The following C12orf54 variants were observed in gnomAD, a reference collection of about 807,000 sequenced individuals.
C12orf54 encodes uncharacterized protein C12orf54.
In C12orf54, 24 loss-of-function variants were observed where a neutral mutation model predicts 26.4. That is an observed-to-expected ratio of 0.91 (90% confidence interval 0.66 to 1.28). The LOEUF is 1.28. Ranked by LOEUF, C12orf54 falls within the 50% of genes most tolerant of loss-of-function variation. The pLI is 0.00. For missense variants in C12orf54, 154 were observed against 150.9 expected, an observed-to-expected ratio of 1.02 and a Z score of -0.11; for synonymous variants, 54 against 47.0, an observed-to-expected ratio of 1.15 and a Z score of -0.61.
chr12:48,486,304 A>G, intron 3 of C12orf54, 96 bp downstream of exon 3: 1 of 1,291,942 alleles, frequency 7.7e-7, no homozygotes, highest in Non-Finnish European at 1.1e-6. Flanking sequence ...CCAAAAAAAA[A>G]AGCTACCTGA....
At chr12:48,440,378 A>T in the C12orf54 span, among the ~76,000 whole-genome samples, 1 of 152,242 alleles carries the variant, frequency 6.6e-6, no homozygotes, top group Non-Finnish European at 1.5e-5. Context: ...AATTAGAAAG[A>T]ATAACTAATT....
At chr12:48,440,173 C>T in the C12orf54 span, among the ~76,000 whole-genome samples, 3 of 151,418 alleles carry the variant, frequency 2.0e-5, no homozygotes, top group Non-Finnish European at 2.9e-5. Context: ...TGCAGTGAAC[C>T]GAGATCGTGC....
At chr12:48,468,713 G>A in the C12orf54 span, among the ~76,000 whole-genome samples, 1 of 152,000 alleles carries the variant, frequency 6.6e-6, no homozygotes, top group Non-Finnish European at 1.5e-5. Context: ...ATTTCATTCA[G>A]GTAGTGAGCT....
At chr12:48,419,001 A>G in the C12orf54 span, among the ~76,000 whole-genome samples, 41 of 152,056 alleles carry the variant, frequency 2.7e-4, no homozygotes, top group African/African-American at 9.9e-4. Flanking sequence ...GGACAGAACT[A>G]GAGATCATTA....
At chr12:48,440,889 TAAC>T in the C12orf54 span, among the ~76,000 whole-genome samples, 1 of 152,180 alleles carries the variant, frequency 6.6e-6, no homozygotes, top group Non-Finnish European at 1.5e-5. Context: ...TAAAATAAGA[TAAC>T]AATAATAAAT....
At chr12:48,416,494 C>A in the C12orf54 span, among the ~76,000 whole-genome samples, 1 of 152,142 alleles carries the variant, frequency 6.6e-6, no homozygotes, top group African/African-American at 2.4e-5. Context: ...AACACCTACC[C>A]CTCCAAAAGT....
the C12orf54 span, among the ~76,000 whole-genome samples, chr12:48,458,718 G>GC: frequency 6.8e-6 from 1 of 146,170 alleles, no homozygotes; most frequent in South Asian, 2.3e-4. Flanking sequence ...CTCCACAGAG[G>GC]ATACCTTGAT....
At chr12:48,457,494 C>G in the C12orf54 span, among the ~76,000 whole-genome samples, 3 of 151,802 alleles carry the variant, frequency 2.0e-5, no homozygotes, top group African/African-American at 7.3e-5. Context: ...CCACCACACC[C>G]GGCTAATTTT....
the C12orf54 span, among the ~76,000 whole-genome samples, chr12:48,463,931 C>T: frequency 6.6e-6 from 1 of 151,974 alleles, no homozygotes. Flanking sequence ...AGGAACATAC[C>T]TCAAAATAAT....
chr12:48,486,124 C>G, intron 2 of C12orf54, 54 bp from the exon 3 acceptor site: 1 of 1,522,800 alleles, frequency 6.6e-7, no homozygotes, highest in South Asian at 1.1e-5. Context: ...TAGGAGAAGG[C>G]TTTAGCCCAC....
At chr12:48,422,489 T>C in the C12orf54 span, among the ~76,000 whole-genome samples, 6 of 152,174 alleles carry the variant, frequency 3.9e-5, no homozygotes, top group Non-Finnish European at 8.8e-5. Context: ...AGTTTTGGAA[T>C]AAACTGGAAT....
the C12orf54 span, among the ~76,000 whole-genome samples, chr12:48,470,513 A>G: frequency 6.6e-6 from 1 of 152,052 alleles, no homozygotes; most frequent in Non-Finnish European, 1.5e-5. Flanking sequence ...CCCATTTTTC[A>G]TGGGGTAGCT....
At chr12:48,420,787 C>T in the C12orf54 span, among the ~76,000 whole-genome samples, 2 of 152,164 alleles carry the variant, frequency 1.3e-5, no homozygotes, top group African/African-American at 2.4e-5. Flanking sequence ...CCTTTGGTTT[C>T]AGAAGAGTTG....
At chr12:48,467,997 T>A in the C12orf54 span, among the ~76,000 whole-genome samples, 3 of 152,158 alleles carry the variant, frequency 2.0e-5, no homozygotes, top group African/African-American at 7.2e-5. Flanking sequence ...CACTATGTAG[T>A]ATTTATTGGC....
the C12orf54 span, among the ~76,000 whole-genome samples, chr12:48,439,528 G>C: frequency 6.6e-6 from 1 of 152,182 alleles, no homozygotes; most frequent in Non-Finnish European, 1.5e-5. Flanking sequence ...ACTGGATTAA[G>C]AAAATGTGGC....
At chr12:48,475,724 C>T in the C12orf54 span, among the ~76,000 whole-genome samples, 3 of 152,160 alleles carry the variant, frequency 2.0e-5, no homozygotes, top group Non-Finnish European at 4.4e-5. Context: ...TGAACAAAGC[C>T]TCCAAGAAAT....
the C12orf54 span, among the ~76,000 whole-genome samples, chr12:48,467,196 G>A: frequency 1.3e-5 from 2 of 152,264 alleles, no homozygotes; most frequent in Admixed American, 1.3e-4. Context: ...GACAGAGGTA[G>A]AGACTGAAAT....
At chr12:48,489,242 T>C (rs1271738790) in intron 5 of C12orf54, 1 of 596,174 alleles carries the variant, frequency 1.7e-6, no homozygotes, top group East Asian at 3.5e-5. Flanking sequence ...GAAATGCTGA[T>C]AATGACTAAG....
the C12orf54 span, among the ~76,000 whole-genome samples, chr12:48,443,244 T>A: frequency 5.9e-5 from 9 of 152,178 alleles, no homozygotes; most frequent in Admixed American, 3.9e-4. Context: ...AGAGAGTGTT[T>A]GTAAACTATT....
Sources: allele counts gnomAD v4.1 joint callset (sites outside exome capture counted in the v4.1 genomes callset), GRCh38; gene constraint gnomAD v4.1.1; transcripts MANE v1.5; gene names NCBI Gene and HGNC (gene_info 2026-07-23, HGNC 2026-07-21).